The following ZFP2 variants were observed in gnomAD, a reference collection of about 807,000 sequenced individuals.
ZFP2 encodes ZFP2 zinc finger protein.
ZFP2 carries 33 observed loss-of-function variants against 36.1 expected under a neutral mutation model. That is an observed-to-expected ratio of 0.92 (90% CI 0.69 to 1.22). The LOEUF (loss-of-function observed/expected upper bound fraction) is 1.22, where lower values mean the gene tolerates loss of function less well. Among genes scored for constraint, ZFP2 ranks in the 50% most tolerant of loss-of-function variants. The pLI, the probability that ZFP2 is intolerant of heterozygous loss-of-function variation, is 0.00. For missense variants in ZFP2, 522 were observed against 551.4 expected, an observed-to-expected ratio of 0.95 and a Z score of 0.53; for synonymous variants, 170 against 178.0, an observed-to-expected ratio of 0.96 and a Z score of 0.36.
intron 4 of ZFP2, among the ~76,000 whole-genome samples, chr5:178,928,063 C>T (rs113554866): frequency 0.051 from 7,695 of 151,876 alleles, 283 homozygotes; most frequent in Middle Eastern, 0.1. Context: ...AGAACTCACT[C>T]ATGATAGGGA....
At position 178,927,663 on chromosome 5, in the gene ZFP2, A is replaced by ATTTG. The variant is rs1554107344; in HGVS notation, c.-77-3573_-77-3572insTTGT. Among the ~76,000 whole-genome samples the ATTTG allele has an allele frequency of 4.1e-3, 381 of 92,582 alleles. 3 individuals carry two copies. Among genetic ancestry groups the ATTTG allele is most frequent in the African/African-American group, 7.7e-3 (217 of 28,172 alleles). The allele number at this position is 92,582 out of a possible 152,430, so 60.7% of individuals were successfully genotyped here. On this transcript the variant is annotated intron_variant, in intron 4 of 4. Transcript: ENST00000361362. The stretch of plus-strand genomic sequence containing the variant: ...AGGTGCACACCATCATACCTGGCCA[A>ATTTG]TGTGTGTGTGTGTGTGTGTGTGTGT...
intron 1 of ZFP2, among the ~76,000 whole-genome samples, chr5:178,904,870 C>CTT (rs1758136992): frequency 6.6e-6 from 1 of 151,044 alleles, no homozygotes; most frequent in South Asian, 2.1e-4. Flanking sequence ...GCCTGGCTAA[C>CTT]TTTTTGTATT....
intron 1 of ZFP2, among the ~76,000 whole-genome samples, chr5:178,903,752 G>A (rs569008839): frequency 1.1e-4 from 17 of 152,258 alleles, no homozygotes; most frequent in African/African-American, 3.6e-4. Flanking sequence ...GGTGGATCAC[G>A]AAGTCAAGAG....
In ZFP2 at chr5:178,901,366, G is replaced by A. The variant is rs887092796; in HGVS notation, c.-450+5392G>A. ...TAAAGTGCCACAAATTGAGTGGCTC[G>A]AAACAATAGAAATTTATTGTCTCAC... On this transcript the variant is annotated intron_variant, in intron 1 of 4. Coordinates refer to ENST00000361362, the MANE Select transcript of ZFP2 (RefSeq NM_030613.4). Among the ~76,000 whole-genome samples the A allele has an allele frequency of 2.0e-5, 3 of 152,168 alleles. No homozygotes were observed. The South Asian group carries it at 6.2e-4, about 31-fold the overall frequency.
At chr5:178,905,491 A>G (rs1356724988) in intron 1 of ZFP2, among the ~76,000 whole-genome samples, 1 of 152,228 alleles carries the variant, frequency 6.6e-6, no homozygotes, top group Non-Finnish European at 1.5e-5. Flanking sequence ...ATCATTTATA[A>G]TGTCCTTATT....
At chr5:178,920,593 C>T (rs909974921) in intron 4 of ZFP2, among the ~76,000 whole-genome samples, 6 of 151,334 alleles carry the variant, frequency 4.0e-5, no homozygotes, top group South Asian at 2.1e-4. Flanking sequence ...GTCGAGATCG[C>T]GCCACTGCAC....
intron 4 of ZFP2, among the ~76,000 whole-genome samples, chr5:178,930,205 G>A (rs1174345801): frequency 6.6e-6 from 1 of 151,282 alleles, no homozygotes; most frequent in Admixed American, 6.6e-5. Flanking sequence ...TGAAATTTGG[G>A]TGGGGACACA....
chr5:178,896,607 CT>C (rs1231316976), intron 1 of ZFP2, among the ~76,000 whole-genome samples: 3 of 152,162 alleles, frequency 2.0e-5, no homozygotes, highest in Non-Finnish European at 4.4e-5. Context: ...CTCGGGGAAT[CT>C]TTTCTTTTTT....
chr5:178,899,523 A>G (rs539049429), intron 1 of ZFP2, among the ~76,000 whole-genome samples: 418 of 152,224 alleles, frequency 2.7e-3, no homozygotes, highest in African/African-American at 9.6e-3. Context: ...GCTCTGCTGG[A>G]GTAGAAGAAA....
chr5:178,925,670 C>T (rs1379166475), intron 4 of ZFP2, among the ~76,000 whole-genome samples: 1 of 149,050 alleles, frequency 6.7e-6, no homozygotes, highest in Non-Finnish European at 1.5e-5. Context: ...TCTTTGCTTA[C>T]GTTTGCAGAC....
At chr5:178,926,214 C>A (rs1211315257) in intron 4 of ZFP2, among the ~76,000 whole-genome samples, 1 of 151,804 alleles carries the variant, frequency 6.6e-6, no homozygotes, top group African/African-American at 2.4e-5. Flanking sequence ...ATTTTTCTTT[C>A]TTCTTTTGGT....
Position 178,908,442 on chromosome 5 carries a change from A to G in ZFP2, c.-449-4142A>G, listed in dbSNP as rs1284103074. On this transcript the variant is annotated intron_variant, in intron 1 of 4. Coordinates refer to ENST00000361362, the MANE Select transcript of ZFP2 (RefSeq NM_030613.4). ...AGCCTGGGTGACAGAGGAAGACTCC[A>G]TCTCAAAAAAAAAAAAAATTATTAC... 4.2e-5 allele frequency among the ~76,000 whole-genome samples: 6 copies of G among 141,284 alleles called. No homozygotes were observed. The East Asian group carries it at 9.9e-4, about 23-fold the overall frequency. 92.7% of individuals were successfully genotyped at this position (141,284 alleles called of 152,430 possible).
chr5:178,905,909 G>T (rs151059351), intron 1 of ZFP2, among the ~76,000 whole-genome samples: 1 of 151,860 alleles, frequency 6.6e-6, no homozygotes, highest in African/African-American at 2.4e-5. Flanking sequence ...ACACTACCAC[G>T]CCCAGCCAAT....
At chr5:178,900,289 A>G (rs1031222816) in intron 1 of ZFP2, among the ~76,000 whole-genome samples, 1 of 152,238 alleles carries the variant, frequency 6.6e-6, no homozygotes, top group African/African-American at 2.4e-5. Context: ...GAACTTTTGC[A>G]TCACCCCAGC....
At chr5:178,901,797 GTTT>G (rs35616825) in intron 1 of ZFP2, among the ~76,000 whole-genome samples, 1 of 149,064 alleles carries the variant, frequency 6.7e-6, no homozygotes, top group Non-Finnish European at 1.5e-5. Flanking sequence ...TTTTTGGTTT[GTTT>G]TTTTTTTAAC....
intron 3 of ZFP2, among the ~76,000 whole-genome samples, 194 bp downstream of exon 3, chr5:178,913,265 G>A (rs1241713106): frequency 1.3e-5 from 2 of 152,174 alleles, no homozygotes; most frequent in East Asian, 1.9e-4. Flanking sequence ...ATTATGAGGA[G>A]TAAATGAGTT....
At chr5:178,910,305 G>T in intron 1 of ZFP2, 2 of 1,258,936 alleles carry the variant, frequency 1.6e-6, no homozygotes, top group Non-Finnish European at 2.3e-6. Flanking sequence ...CTCCAAAATT[G>T]CATCTTCCCA....
At chr5:178,908,230 T>C (rs543905234) in intron 1 of ZFP2, among the ~76,000 whole-genome samples, 47 of 152,196 alleles carry the variant, frequency 3.1e-4, no homozygotes, top group East Asian at 7.7e-4. Context: ...GGGCAGATCA[T>C]GAGGTCAGGA....
At chr5:178,917,090 T>G (rs1758447843) in intron 4 of ZFP2, among the ~76,000 whole-genome samples, 1 of 152,212 alleles carries the variant, frequency 6.6e-6, no homozygotes, top group Admixed American at 6.5e-5. Flanking sequence ...ATAGAAATTT[T>G]TAGTAATGTG....
Sources: gnomAD v4.1 joint callset for allele counts (sites outside exome capture counted in the v4.1 genomes callset) on GRCh38, gnomAD v4.1.1 for gene constraint, MANE v1.5 for transcripts, NCBI Gene and HGNC (gene_info 2026-07-23, HGNC 2026-07-21) for gene names.